The following STARD9 variants were observed in gnomAD, a reference collection of about 807,000 sequenced individuals.
STARD9 encodes stAR-related lipid transfer protein 9.
STARD9 carries 346 observed loss-of-function variants against 399.8 expected under a neutral mutation model. That is an observed-to-expected ratio of 0.87 (90% CI 0.79 to 0.95). The LOEUF is 0.95. Ranked by LOEUF, STARD9 falls within the 40% of genes least tolerant of loss-of-function variation. STARD9 has a pLI of 0.00. For synonymous variants in STARD9, 2,203 were observed against 2,143.5 expected, an observed-to-expected ratio of 1.03 and a Z score of -0.77; for missense variants, 5,832 against 5,667.5, an observed-to-expected ratio of 1.03 and a Z score of -0.93.
Position 42,717,007 on chromosome 15 carries a change from C to T in STARD9, c.13453C>T (p.Gln4485Ter). 1 of 1,537,196 alleles carries T rather than the reference C, an allele frequency of 6.5e-7. No individual in the cohort carries two copies. The highest frequency in any genetic ancestry group is 8.7e-7 in the Non-Finnish European group (1 of 1,146,898). Reference sequence around the variant, plus strand: ...GGGGACCTGCTTTTCCTCCTCCTACCAGGATTTGGCCAAGCATGTCGTGGA... The same window carrying T: ...GGGGACCTGCTTTTCCTCCTCCTACTAGGATTTGGCCAAGCATGTCGTGGA... ...SLGTCFSSSY[Q>*]DLAKHVVDTS... is the part of the protein sequence containing the mutation. Residue 4485 changes from glutamine to a stop codon, truncating the protein, a stop_gained, in exon 28 of 33, where the codon CAG becomes TAG. Transcript: ENST00000290607. LOFTEE classifies it high-confidence loss of function.
chr15:42,680,730 A>T (rs1191841562), intron 20 of STARD9, among the ~76,000 whole-genome samples: 1 of 152,112 alleles, frequency 6.6e-6, no homozygotes, highest in Admixed American at 6.6e-5. Context: ...ATTCCCTCTC[A>T]CTGGATCTAG....
intron 3 of STARD9, among the ~76,000 whole-genome samples, chr15:42,600,919 G>A (rs936238401): frequency 6.0e-5 from 9 of 150,828 alleles, no homozygotes; most frequent in African/African-American, 2.2e-4. Flanking sequence ...TCGGAGAGGG[G>A]GATTTGGCAG....
chr15:42,586,760 G>A (rs2058284926), intron 3 of STARD9, among the ~76,000 whole-genome samples: 4 of 152,154 alleles, frequency 2.6e-5, no homozygotes, highest in Middle Eastern at 3.4e-3. Context: ...AACCTGGACA[G>A]TCATTGCCTA....
intron 7 of STARD9, among the ~76,000 whole-genome samples, chr15:42,649,897 G>A (rs1175325026): frequency 3.2e-5 from 4 of 126,966 alleles, no homozygotes; most frequent in East Asian, 2.2e-4. Context: ...ATGGAGTTTC[G>A]CTCTTGTTGC....
chr15:42,642,605 TTG>T lies in STARD9; in HGVS notation c.559+3796_559+3797del, dbSNP rs1253272446. Among the ~76,000 whole-genome samples, 6 of 152,352 alleles carry T rather than the reference TTG, an allele frequency of 3.9e-5. No homozygotes were observed. The East Asian group carries it at 1.2e-3, about 29-fold the overall frequency. On this transcript the variant is annotated intron_variant, in intron 7 of 32. Coordinates refer to ENST00000290607, the MANE Select transcript of STARD9 (RefSeq NM_020759.3). Reference sequence around the variant, plus strand: ...CCCCCCAACCCCAACCATTTAGTTCTTGTGCCTTTTTTTTCTTGCCTTTCTGC... The same window carrying T: ...CCCCCCAACCCCAACCATTTAGTTCTTGCCTTTTTTTTCTTGCCTTTCTGC...
intron 3 of STARD9, among the ~76,000 whole-genome samples, chr15:42,608,757 T>C (rs1402410331): frequency 6.6e-6 from 1 of 152,174 alleles, no homozygotes; most frequent in Non-Finnish European, 1.5e-5. Flanking sequence ...AACGGTGCTT[T>C]GTGGAAGATA....
In STARD9 at chr15:42,575,748, G is replaced by T. The variant is rs2058039027; in HGVS notation, c.33G>T (p.Arg11=). Residue 11 remains arginine, a synonymous_variant, in exon 1 of 33, where the codon CGG becomes CGT. Coordinates refer to ENST00000290607, the MANE Select transcript of STARD9 (RefSeq NM_020759.3). ...ACGTGCAGGTCGCCGTGCGGGTCCG[G>T]CCGCTCAGCAAGAGGTGAGTCTCCG... MANVQVAVRV[R]PLSKRETKEG... The T allele has an allele frequency of 1.3e-6, 2 of 1,536,838 alleles. No individual in the cohort carries two copies. Among genetic ancestry groups the T allele is most frequent in the Admixed American group, 3.9e-5 (2 of 51,008 alleles).
At position 42,597,998 on chromosome 15, in the gene STARD9, A is replaced by ATGTGTGTGTGTGTGTG. The variant is rs770352086; in HGVS notation, c.234+12362_234+12363insGTGTGTGTGTGTGTGT. ...TGTGTGTGTGTGTGTTTGTATATAT[A>ATGTGTGTGTGTGTGTG]TATGTGTGTGTGTGTGTGTGTGTGT... On this transcript the variant is annotated intron_variant, in intron 3 of 32. Transcript: ENST00000290607. Among the ~76,000 whole-genome samples, 95 of 112,746 alleles carry ATGTGTGTGTGTGTGTG rather than the reference A, an allele frequency of 8.4e-4. 1 individual carries two copies. The highest frequency in any genetic ancestry group is 1.3e-3 in the Non-Finnish European group (73 of 56,692). The allele number at this position is 112,746 out of a possible 152,430, so 74.0% of individuals were successfully genotyped here.
chr15:42,607,186 T>C (rs1235466314), intron 3 of STARD9, among the ~76,000 whole-genome samples: 1 of 130,182 alleles, frequency 7.7e-6, no homozygotes, highest in Non-Finnish European at 1.7e-5. Flanking sequence ...CCCTGCATTT[T>C]TCTGGTGCTT....
At position 42,609,535 on chromosome 15, in the gene STARD9, G is replaced by T. The variant is rs1419876727; in HGVS notation, c.234+23898G>T. 3.3e-5 allele frequency among the ~76,000 whole-genome samples: 5 copies of T among 151,954 alleles called. No homozygotes were observed. The South Asian group carries it at 1.0e-3, about 32-fold the overall frequency. On this transcript the variant is annotated intron_variant, in intron 3 of 32. Transcript: ENST00000290607. ...ACTCACTGCAACCACTGCCTCCCAG[G>T]TTCAAGCAATTCTCCTGCTGCAGCC...
At chr15:42,663,212 A>G (rs1384017003) in intron 11 of STARD9, 69 bp from the exon 12 acceptor site, 1 of 1,346,290 alleles carries the variant, frequency 7.4e-7, no homozygotes, top group East Asian at 2.5e-5. Context: ...TTCTCCAACC[A>G]TTGTTTTGTT....
chr15:42,603,535 C>G (rs988114129), intron 3 of STARD9, among the ~76,000 whole-genome samples: 2 of 151,996 alleles, frequency 1.3e-5, no homozygotes, highest in African/African-American at 2.4e-5. Context: ...GCCAATTTAC[C>G]GAGACAGTGG....
At position 42,606,569 on chromosome 15, in the gene STARD9, C is replaced by T. The variant is rs111312181; in HGVS notation, c.234+20932C>T. 8.4e-4 allele frequency among the ~76,000 whole-genome samples: 128 copies of T among 151,962 alleles called. 1 individual carries two copies. Among genetic ancestry groups the T allele is most frequent in the Middle Eastern group, 3.4e-3 (1 of 292 alleles). The stretch of plus-strand genomic sequence containing the variant: ...CTCCTGGGCTCAAGCCACCTTCCCA[C>T]CTCAGCCTCCCAAGTACCTGGGAAC... On this transcript the variant is annotated intron_variant, in intron 3 of 32. Transcript: ENST00000290607.
chr15:42,585,463 A>T, intron 2 of STARD9, 58 bp from the exon 3 acceptor site: 1 of 976,104 alleles, frequency 1.0e-6, no homozygotes, highest in Non-Finnish European at 1.6e-6. Context: ...ATCAAGTGCC[A>T]CTGGCCAGAT....
chr15:42,608,711 A>G (rs978131177), intron 3 of STARD9, among the ~76,000 whole-genome samples: 1 of 152,230 alleles, frequency 6.6e-6, no homozygotes, highest in Non-Finnish European at 1.5e-5. Flanking sequence ...CCAAAAGGTG[A>G]TAAAGAGCTC....
intron 20 of STARD9, 42 bp downstream of exon 20, chr15:42,676,017 T>TC: frequency 6.9e-7 from 1 of 1,440,850 alleles, no homozygotes; most frequent in Non-Finnish European, 9.4e-7. Flanking sequence ...CCTACTGGGT[T>TC]CGCTTCTTAG....
At chr15:42,581,440 A>G (rs2058167553) in intron 1 of STARD9, 6 of 1,529,884 alleles carry the variant, frequency 3.9e-6, no homozygotes, top group Non-Finnish European at 5.4e-6. Context: ...TGGGTGGGGA[A>G]GGCGCGGCTC....
intron 20 of STARD9, 33 bp downstream of exon 20, chr15:42,676,008 C>A: frequency 1.0e-6 from 1 of 993,496 alleles, no homozygotes; most frequent in Non-Finnish European, 1.4e-6. Context: ...GATGTGGAAC[C>A]TACTGGGTTC....
intron 26 of STARD9, among the ~76,000 whole-genome samples, chr15:42,709,385 C>G (rs998550162): frequency 6.6e-5 from 10 of 152,092 alleles, no homozygotes; most frequent in Non-Finnish European, 1.2e-4. Flanking sequence ...GAGACCCTGT[C>G]TCAAAAAATC....
Sources: allele counts gnomAD v4.1 joint callset (sites outside exome capture counted in the v4.1 genomes callset), GRCh38; gene constraint gnomAD v4.1.1; transcripts MANE v1.5; gene names NCBI Gene and HGNC (gene_info 2026-07-23, HGNC 2026-07-21).